The following ARL8A variants were observed in gnomAD, a reference collection of about 807,000 sequenced individuals.
The protein encoded by ARL8A is ARF like GTPase 8A.
ARL8A carries 10 observed loss-of-function variants against 31.2 expected under a neutral mutation model. The ratio of observed to expected loss-of-function variants is 0.32; its 90% CI spans 0.20 to 0.54. The LOEUF (loss-of-function observed/expected upper bound fraction) is 0.54, where lower values mean the gene tolerates loss of function less well. ARL8A is among the 20% of genes least tolerant of loss of function. The probability of loss-of-function intolerance (pLI) is 0.93; values close to 1 mark genes in which losing one functional copy is unlikely to be tolerated. For synonymous variants in ARL8A, 70 were observed against 86.9 expected (o/e 0.81, Z 1.08); for missense variants, 129 against 242.8 (o/e 0.53, Z 3.12).
chr1:202,140,296 ATTTTTT>A (rs77654638), intron 1 of ARL8A, among the ~76,000 whole-genome samples: 1 of 137,670 alleles, frequency 7.3e-6, no homozygotes, highest in African/African-American at 2.8e-5. Flanking sequence ...TGCCTAGCTA[ATTTTTT>A]TTTTTTTTTT....
intron 3 of ARL8A, among the ~76,000 whole-genome samples, chr1:202,137,394 G>A (rs1265026914): frequency 2.0e-5 from 3 of 152,098 alleles, no homozygotes; most frequent in South Asian, 2.1e-4. Flanking sequence ...TTGGGAGGCC[G>A]AGGCAGGCAG....
rs1363729017 is a variant in ARL8A at position 202,138,730 on chromosome 1, T to A, written c.124-282A>T. Among the ~76,000 whole-genome samples the A allele has an allele frequency of 1.3e-5, 2 of 152,116 alleles. No homozygotes were observed. Among genetic ancestry groups the A allele is most frequent in the East Asian group, 3.9e-4 (2 of 5,186 alleles). On this transcript the variant is annotated intron_variant, in intron 1 of 6. Coordinates refer to ENST00000272217, the MANE Select transcript of ARL8A (RefSeq NM_138795.4). The surrounding 1 kb of genome is among the most constrained non-coding windows in gnomAD (Gnocchi z 4.4). The stretch of plus-strand genomic sequence containing the variant: ...AATTCTTCCTCAAGTCTAACCTACA[T>A]CTCTCTGTAGTAACTGACGCCACTT...
rs532340648 is a variant in ARL8A at position 202,143,365 on chromosome 1, C to T, written c.123+1085G>A. On this transcript the variant is annotated intron_variant, in intron 1 of 6. Coordinates refer to ENST00000272217, the MANE Select transcript of ARL8A (RefSeq NM_138795.4). The stretch of plus-strand genomic sequence containing the variant: ...GCAACAACACGGACAGGTAGAGGTA[C>T]CTAGGCCGGCTGGATACATTCCTCT... Among the ~76,000 whole-genome samples the T allele has an allele frequency of 7.6e-4, 116 of 152,302 alleles. 3 individuals carry two copies. The highest frequency in any genetic ancestry group is 3.4e-3 in the Middle Eastern group (1 of 294).
rs760716001 is a variant in ARL8A at position 202,135,681 on chromosome 1, C to T, written c.372+26G>A. Reference sequence around the variant, plus strand: ...TGACTTCCCAGCCGAGCTCCCTCCCCATCCCGCTCCCTCAGGTCTGCTGAC... The same window carrying T: ...TGACTTCCCAGCCGAGCTCCCTCCCTATCCCGCTCCCTCAGGTCTGCTGAC... On this transcript the variant is annotated intron_variant, in intron 4 of 6. Transcript: ENST00000272217. This position sits in a 1 kb window ranked among gnomAD's most constrained non-coding sequence, Gnocchi z 5.3. The T allele has an allele frequency of 1.5e-5, 24 of 1,607,070 alleles. No homozygotes were observed. The highest frequency in any genetic ancestry group is 2.0e-5 in the Non-Finnish European group (23 of 1,173,770).
chr1:202,134,639 G>A lies in ARL8A; in HGVS notation c.512-123C>T, dbSNP rs1005380944. ...GTCCAGAGATGCCAGGAGGGGTGGCGCACACCTGGAGTCTCAGCTACATGG... is the reference window on the plus strand; with the variant it reads ...GTCCAGAGATGCCAGGAGGGGTGGCACACACCTGGAGTCTCAGCTACATGG... On this transcript the variant is annotated intron_variant, in intron 6 of 6. Coordinates refer to ENST00000272217, the MANE Select transcript of ARL8A (RefSeq NM_138795.4). The surrounding 1 kb of genome is among the most constrained non-coding windows in gnomAD (Gnocchi z 4.2). The A allele has an allele frequency of 1.3e-5, 11 of 873,366 alleles. No homozygotes were observed. The highest frequency in any genetic ancestry group is 6.6e-5 in the African/African-American group (4 of 60,348). The allele number at this position is 873,366 out of a possible 1,614,324, so 54.1% of individuals were successfully genotyped here.
In ARL8A at chr1:202,138,416, G is replaced by A. The variant is rs747180750; in HGVS notation, c.156C>T (p.Thr52=). ...TGATTTTGCGCATGTTGAAACCCAC[G>A]GTGGGGATCATGTCCTCGTTGAACT... is the stretch of plus-strand genomic sequence containing the variant. ...SGQFNEDMIP[T]VGFNMRKITK... is the part of the protein sequence containing the mutation. The change falls in exon 2 of 7, where the codon ACC becomes ACT. Residue 52 remains threonine, a synonymous_variant. Coordinates refer to ENST00000272217, the MANE Select transcript of ARL8A (RefSeq NM_138795.4). This position sits in a 1 kb window ranked among gnomAD's most constrained non-coding sequence, Gnocchi z 4.4. The A allele has an allele frequency of 6.9e-5, 111 of 1,613,852 alleles. No individual in the cohort carries two copies. The highest frequency in any genetic ancestry group is 3.2e-4 in the South Asian group (29 of 91,074).
At position 202,138,002 on chromosome 1, in the gene ARL8A, T is replaced by C. The variant is rs1655059504; in HGVS notation, c.241A>G (p.Met81Val). The C allele has an allele frequency of 6.2e-7, 1 of 1,614,124 alleles. No homozygotes were observed. The highest frequency in any genetic ancestry group is 8.5e-7 in the Non-Finnish European group (1 of 1,180,044). The change falls in exon 3 of 7, where the codon ATG becomes GTG. Residue 81 changes from methionine to valine, a missense_variant. Transcript: ENST00000272217. This position sits in a 1 kb window ranked among gnomAD's most constrained non-coding sequence, Gnocchi z 4.4. ...ACTCCTCGGCAGTAGCGCTCCCACA[T>C]GCTGCGGAAACGCGGCTGTCCCCCA... ...DIGGQPRFRS[M>V]WERYCRGVSA...
chr1:202,134,634 G>GCCACCCCTCC lies in ARL8A; in HGVS notation c.512-119_512-118insGGAGGGGTGG. On this transcript the variant is annotated intron_variant, in intron 6 of 6. Transcript: ENST00000272217. This position sits in a 1 kb window ranked among gnomAD's most constrained non-coding sequence, Gnocchi z 4.2. ...CAGAAGTCCAGAGATGCCAGGAGGGGTGGCGCACACCTGGAGTCTCAGCTA... is the reference window on the plus strand; with the variant it reads ...CAGAAGTCCAGAGATGCCAGGAGGGGCCACCCCTCCTGGCGCACACCTGGAGTCTCAGCTA... The GCCACCCCTCC allele has an allele frequency of 1.1e-6, 1 of 911,466 alleles. No individual in the cohort carries two copies. The highest frequency in any genetic ancestry group is 1.8e-6 in the Non-Finnish European group (1 of 550,412). 56.5% of individuals were successfully genotyped at this position (911,466 alleles called of 1,614,324 possible). A position where few individuals can be genotyped will look rare whatever the true frequency, so the allele number is the denominator to read the frequency against.
Position 202,134,339 on chromosome 1 carries a change from T to A in ARL8A, c.*128A>T. 1.2e-6 allele frequency: 1 copy of A among 840,414 alleles called. No homozygotes were observed. Among genetic ancestry groups the A allele is most frequent in the Non-Finnish European group, 1.9e-6 (1 of 517,072 alleles). The allele number at this position is 840,414 out of a possible 1,614,324, so 52.1% of individuals were successfully genotyped here. A position where few individuals can be genotyped will look rare whatever the true frequency, so the allele number is the denominator to read the frequency against. On this transcript the variant is annotated 3_prime_UTR_variant, in exon 7 of 7. Transcript: ENST00000272217. This position sits in a 1 kb window ranked among gnomAD's most constrained non-coding sequence, Gnocchi z 4.2. ...ACCTCAGCAGAACAGGACTCTGGGG[T>A]CCCCAGAGGGCCCTCCTCACACTGG...
chr1:202,143,031 C>G (rs958849402), intron 1 of ARL8A, among the ~76,000 whole-genome samples: 4 of 151,954 alleles, frequency 2.6e-5, no homozygotes, highest in African/African-American at 9.7e-5. Flanking sequence ...GTCTCTGACC[C>G]CAAGGGCAGA....
Position 202,135,198 on chromosome 1 carries a change from G to A in ARL8A, c.463C>T (p.Arg155Ter). The part of the protein sequence containing the change: ...EKMNLSAIQD[R>*]EICCYSISCK... Reference sequence around the variant, plus strand: ...GAGATGGAGTAGCAGCAGATCTCTCGGTCCTGGATGGCAGACAGATTCCTG... The same window carrying A: ...GAGATGGAGTAGCAGCAGATCTCTCAGTCCTGGATGGCAGACAGATTCCTG... Residue 155 changes from arginine (R) to a stop codon, truncating the protein, a stop_gained, in exon 6 of 7, where the codon CGA becomes TGA. Coordinates refer to ENST00000272217, the MANE Select transcript of ARL8A (RefSeq NM_138795.4). LOFTEE classifies it high-confidence loss of function. The surrounding 1 kb of genome is among the most constrained non-coding windows in gnomAD (Gnocchi z 5.3). The A allele has an allele frequency of 6.2e-7, 1 of 1,614,088 alleles. No individual in the cohort carries two copies. The highest frequency in any genetic ancestry group is 8.5e-7 in the Non-Finnish European group (1 of 1,179,972).
At position 202,135,288 on chromosome 1, in the gene ARL8A, C is replaced by A; in HGVS notation, c.441-68G>T. ...CAGGGGGCCTGGGGCTAGGGGACAG[C>A]GGGGCCTTTTTCTTACCTAAGAGGC... On this transcript the variant is annotated intron_variant, in intron 5 of 6. Transcript: ENST00000272217. The surrounding 1 kb of genome is among the most constrained non-coding windows in gnomAD (Gnocchi z 5.3). 6.5e-7 allele frequency: 1 copy of A among 1,532,796 alleles called. No individual in the cohort carries two copies. The highest frequency in any genetic ancestry group is 9.0e-7 in the Non-Finnish European group (1 of 1,106,870). 94.9% of individuals were successfully genotyped at this position (1,532,796 alleles called of 1,614,324 possible).
chr1:202,134,568 T>C lies in ARL8A; in HGVS notation c.512-52A>G, dbSNP rs1342302875. 1 of 1,552,894 alleles carries C rather than the reference T, an allele frequency of 6.4e-7. No individual in the cohort carries two copies. Among genetic ancestry groups the C allele is most frequent in the Non-Finnish European group, 8.9e-7 (1 of 1,124,468 alleles). On this transcript the variant is annotated intron_variant, in intron 6 of 6. Transcript: ENST00000272217. The surrounding 1 kb of genome is among the most constrained non-coding windows in gnomAD (Gnocchi z 4.2). ...TAAGGCCTGCAAGTACTGGCCGTGC[T>C]GGGGCAGCAGAGAGGCCCAAGAAAC...
rs1655244735 is a variant in ARL8A at position 202,144,312 on chromosome 1, C to A, written c.123+138G>T. 1 of 523,918 alleles carries A rather than the reference C, an allele frequency of 1.9e-6. No individual in the cohort carries two copies. The highest frequency in any genetic ancestry group is 2.5e-6 in the Non-Finnish European group (1 of 407,612). The allele number at this position is 523,918 out of a possible 1,614,324, so 32.5% of individuals were successfully genotyped here. ...GTACTAGGCCCCAAGCGCTCGGGGC[C>A]GGCTCCTCCCCCGCCCGGCGCCCGG... is the stretch of plus-strand genomic sequence containing the variant. On this transcript the variant is annotated intron_variant, in intron 1 of 6. Transcript: ENST00000272217. The surrounding 1 kb of genome is among the most constrained non-coding windows in gnomAD (Gnocchi z 5.2).
rs1343131574 is a variant in ARL8A, at chr1:202,144,403, C to T, written c.123+47G>A. The stretch of plus-strand genomic sequence containing the variant: ...GGCGCGGCGCGGGCGGGGACAGGCC[C>T]GACCCGCGGCCCGCGCCCGGGGACC... On this transcript the variant is annotated intron_variant, in intron 1 of 6. Transcript: ENST00000272217. The surrounding 1 kb of genome is among the most constrained non-coding windows in gnomAD (Gnocchi z 5.2). 13 of 1,273,058 alleles carry T rather than the reference C, an allele frequency of 1.0e-5. No homozygotes were observed. In the Middle Eastern group the frequency reaches 1.2e-3, roughly 120 times the overall value. 78.9% of individuals were successfully genotyped at this position (1,273,058 alleles called of 1,614,324 possible). A position where few individuals can be genotyped will look rare whatever the true frequency, so the allele number is the denominator to read the frequency against.
rs1227821146 is a variant in ARL8A, at chr1:202,144,162, G to A, written c.123+288C>T. Among the ~76,000 whole-genome samples, 4 of 152,112 alleles carry A rather than the reference G, an allele frequency of 2.6e-5. No individual in the cohort carries two copies. The East Asian group carries it at 7.7e-4, about 29-fold the overall frequency. On this transcript the variant is annotated intron_variant, in intron 1 of 6. Coordinates refer to ENST00000272217, the MANE Select transcript of ARL8A (RefSeq NM_138795.4). The surrounding 1 kb of genome is among the most constrained non-coding windows in gnomAD (Gnocchi z 5.2). ...GTCCCTCCTGCTTCGAGAGCCCCTC[G>A]GTGCCGCCTGCCCCGTGGCACCGGC...
chr1:202,135,228 A>T lies in ARL8A; in HGVS notation c.441-8T>A. Reference sequence around the variant, plus strand: ...TGGATGGCAGACAGATTCCTGGGGGAAACCAGAGTAGAGTCCGCTGAGGCT... The same window carrying T: ...TGGATGGCAGACAGATTCCTGGGGGTAACCAGAGTAGAGTCCGCTGAGGCT... On this transcript the variant is annotated splice_polypyrimidine_tract_variant and splice_region_variant and intron_variant, in intron 5 of 6. Transcript: ENST00000272217. This position sits in a 1 kb window ranked among gnomAD's most constrained non-coding sequence, Gnocchi z 5.3. 6.2e-7 allele frequency: 1 copy of T among 1,613,538 alleles called. No individual in the cohort carries two copies. Among genetic ancestry groups the T allele is most frequent in the Non-Finnish European group, 8.5e-7 (1 of 1,179,492 alleles).
In ARL8A at chr1:202,134,221, G is replaced by C; in HGVS notation, c.*246C>G. The stretch of plus-strand genomic sequence containing the variant: ...CCAGGGCTGCTGGGAGGGAGGCAGG[G>C]CTGGGTGATGGGACAAAGGCAGCGG... On this transcript the variant is annotated 3_prime_UTR_variant, in exon 7 of 7. Coordinates refer to ENST00000272217, the MANE Select transcript of ARL8A (RefSeq NM_138795.4). The surrounding 1 kb of genome is among the most constrained non-coding windows in gnomAD (Gnocchi z 4.2). The C allele has an allele frequency of 1.9e-6, 1 of 533,926 alleles. No individual in the cohort carries two copies. The highest frequency in any genetic ancestry group is 2.1e-5 in the South Asian group (1 of 48,596). The allele number at this position is 533,926 out of a possible 1,614,324, so 33.1% of individuals were successfully genotyped here.
chr1:202,143,761 C>T (rs78175688), intron 1 of ARL8A, among the ~76,000 whole-genome samples: 3,052 of 152,348 alleles, frequency 0.02, 103 homozygotes, highest in African/African-American at 0.069. Flanking sequence ...GTCGGGAGCA[C>T]CTGCTCCTGC....
Sources: gnomAD v4.1 joint callset for allele counts (sites outside exome capture counted in the v4.1 genomes callset) on GRCh38, gnomAD v4.1.1 for gene constraint, Gnocchi (gnomAD v3.1) non-coding constraint, MANE v1.5 for transcripts, NCBI Gene and HGNC (gene_info 2026-07-23, HGNC 2026-07-21) for gene names.